DYNC1I1: variants seen among roughly 807,000 people sequenced by gnomAD.
DYNC1I1 encodes dynein cytoplasmic 1 intermediate chain 1.
A neutral mutation model predicts 86.6 loss-of-function variants in DYNC1I1; 43 were observed. That is an observed-to-expected ratio of 0.50 (90% CI 0.39 to 0.64). The LOEUF (loss-of-function observed/expected upper bound fraction) is 0.64. Ranked by LOEUF, DYNC1I1 falls within the 30% of genes least tolerant of loss-of-function variation. DYNC1I1 has a pLI of 0.00. For missense variants in DYNC1I1, 604 were observed against 788.8 expected, an observed-to-expected ratio of 0.77 and a Z score of 2.81; for synonymous variants, 262 against 283.7, an observed-to-expected ratio of 0.92 and a Z score of 0.77.
chr7:96,037,462 G>A lies in DYNC1I1; in HGVS notation c.1364+1710G>A, dbSNP rs78086968. On this transcript the variant is annotated intron_variant, in intron 13 of 16. Transcript: ENST00000447467. Reference sequence around the variant, plus strand: ...CAAATATCTGGAACATGAGTAGAATGTCTTAAGTGGCATGAGAGGCATAGA... The same window carrying A: ...CAAATATCTGGAACATGAGTAGAATATCTTAAGTGGCATGAGAGGCATAGA... Among the ~76,000 whole-genome samples the A allele has an allele frequency of 7.0e-3, 1,063 of 152,306 alleles. 9 individuals carry two copies. Among genetic ancestry groups the A allele is most frequent in the African/African-American group, 0.023 (974 of 41,574 alleles).
At chr7:95,844,837 GTGAC>G (rs1789384119) in intron 5 of DYNC1I1, among the ~76,000 whole-genome samples, 1 of 152,176 alleles carries the variant, frequency 6.6e-6, no homozygotes, top group African/African-American at 2.4e-5. Flanking sequence ...TGCAAATCTT[GTGAC>G]CTCCAGAATA....
intron 10 of DYNC1I1, among the ~76,000 whole-genome samples, chr7:96,026,504 G>A (rs917766195): frequency 6.6e-6 from 1 of 151,962 alleles, no homozygotes; most frequent in Non-Finnish European, 1.5e-5. Context: ...TGCTCCAAAA[G>A]TTGTGATTTC....
intron 14 of DYNC1I1, among the ~76,000 whole-genome samples, chr7:96,039,860 G>A (rs145847997): frequency 0.01 from 1,537 of 151,694 alleles, 29 homozygotes; most frequent in African/African-American, 0.035. Context: ...TTTTTTGTTT[G>A]GTTCGTTGAT....
downstream of DYNC1I1, among the ~76,000 whole-genome samples, chr7:96,100,356 TTTCC>T (rs372153684): frequency 0.013 from 1,887 of 150,828 alleles, 43 homozygotes; most frequent in Admixed American, 0.06. Flanking sequence ...CCTTCCTTCC[TTTCC>T]TTCCTTCCTT....
Position 96,035,688 on chromosome 7 carries a change from G to A in DYNC1I1, c.1300G>A (p.Asp434Asn). 6.2e-7 allele frequency: 1 copy of A among 1,612,198 alleles called. No homozygotes were observed. Among genetic ancestry groups the A allele is most frequent in the Non-Finnish European group, 8.5e-7 (1 of 1,179,152 alleles). ...TACCGGAATGGCTTTCCCAACGGGA[G>A]ACGTCAATAACTTCGTGGTTGGCAG... ...AVTGMAFPTG[D>N]VNNFVVGSEE... The change falls in exon 13 of 17, where the codon GAC (aspartate) becomes AAC (asparagine). Residue 434 changes from aspartate (D) to asparagine (N), a missense_variant. Physicochemically the swap from Asp to Asn is conservative, Grantham distance 23. Coordinates refer to ENST00000447467, the MANE Select transcript of DYNC1I1 (RefSeq NM_001135556.2).
intron 6 of DYNC1I1, among the ~76,000 whole-genome samples, chr7:95,957,032 A>G (rs185505986): frequency 4.6e-5 from 7 of 152,272 alleles, no homozygotes; most frequent in Admixed American, 2.0e-4. Flanking sequence ...AGCTTGGTCA[A>G]TGGCTTGTTG....
intron 6 of DYNC1I1, among the ~76,000 whole-genome samples, chr7:95,911,648 T>G (rs976824882): frequency 6.6e-6 from 1 of 152,154 alleles, no homozygotes; most frequent in Admixed American, 6.5e-5. Flanking sequence ...AATTTGAGCA[T>G]GCATCCCAAT....
intron 4 of DYNC1I1, among the ~76,000 whole-genome samples, chr7:95,823,232 C>A (rs947395061): frequency 2.0e-5 from 3 of 152,004 alleles, no homozygotes; most frequent in Admixed American, 6.5e-5. Flanking sequence ...CAAATCCTAT[C>A]CCCTCCTCCA....
intron 14 of DYNC1I1, among the ~76,000 whole-genome samples, chr7:96,063,240 G>A (rs1789844708): frequency 6.6e-6 from 1 of 151,954 alleles, no homozygotes; most frequent in African/African-American, 2.4e-5. Flanking sequence ...TGTTTAGGAA[G>A]GAGAGAAATA....
At chr7:96,048,894 G>A (rs766995023) in intron 14 of DYNC1I1, among the ~76,000 whole-genome samples, 2 of 152,060 alleles carry the variant, frequency 1.3e-5, no homozygotes, top group Non-Finnish European at 2.9e-5. Flanking sequence ...TGACAATATG[G>A]GCTAATGGCT....
chr7:95,809,012 T>G (rs1050285934), intron 2 of DYNC1I1, among the ~76,000 whole-genome samples: 1 of 152,182 alleles, frequency 6.6e-6, no homozygotes, highest in Non-Finnish European at 1.5e-5. Context: ...AACTTTGATA[T>G]CTTCACTGAT....
chr7:95,929,542 T>G (rs1791835126), intron 6 of DYNC1I1, among the ~76,000 whole-genome samples: 3 of 152,164 alleles, frequency 2.0e-5, no homozygotes, highest in African/African-American at 4.8e-5. Flanking sequence ...GCTTGTAAAT[T>G]TTTTGAAAGC....
At chr7:96,052,463 C>A (rs961796195) in intron 14 of DYNC1I1, among the ~76,000 whole-genome samples, 1 of 152,094 alleles carries the variant, frequency 6.6e-6, no homozygotes, top group African/African-American at 2.4e-5. Flanking sequence ...AGTTACTTAA[C>A]CTCTCTGTGC....
At chr7:96,032,249 T>C (rs948251751) in intron 11 of DYNC1I1, among the ~76,000 whole-genome samples, 2 of 152,162 alleles carry the variant, frequency 1.3e-5, no homozygotes. Context: ...TTTAGTAACA[T>C]GTATTCCTTC....
intron 6 of DYNC1I1, among the ~76,000 whole-genome samples, chr7:95,918,723 A>T (rs1294756792): frequency 2.0e-5 from 3 of 152,170 alleles, no homozygotes; most frequent in African/African-American, 7.2e-5. Flanking sequence ...TTAAGGCGAA[A>T]ATTTATAGAG....
intron 6 of DYNC1I1, among the ~76,000 whole-genome samples, chr7:95,969,350 A>G (rs905731211): frequency 6.6e-6 from 1 of 152,186 alleles, no homozygotes; most frequent in South Asian, 2.1e-4. Flanking sequence ...GCTCTGAGCA[A>G]TACTGGAGAA....
intron 2 of DYNC1I1, among the ~76,000 whole-genome samples, chr7:95,805,749 G>A (rs895360102): frequency 3.3e-5 from 5 of 152,120 alleles, no homozygotes; most frequent in African/African-American, 1.2e-4. Flanking sequence ...AGCTTTCTAA[G>A]AAGAAAACTT....
At chr7:95,920,974 CGCT>C (rs1456643270) in intron 6 of DYNC1I1, among the ~76,000 whole-genome samples, 3 of 152,084 alleles carry the variant, frequency 2.0e-5, no homozygotes, top group African/African-American at 7.2e-5. Flanking sequence ...AGTAGATGGC[CGCT>C]TTCACATTCA....
At chr7:95,859,451 C>T (rs1368992042) in intron 5 of DYNC1I1, among the ~76,000 whole-genome samples, 1 of 152,196 alleles carries the variant, frequency 6.6e-6, no homozygotes, top group Non-Finnish European at 1.5e-5. Context: ...CCAGTCTCCA[C>T]AGACTAGCTT....
Sources: gnomAD v4.1 joint callset for allele counts (sites outside exome capture counted in the v4.1 genomes callset) on GRCh38, gnomAD v4.1.1 for gene constraint, MANE v1.5 for transcripts, NCBI Gene and HGNC (gene_info 2026-07-23, HGNC 2026-07-21) for gene names.